The following ITGB8 variants were observed in gnomAD, a reference collection of about 807,000 sequenced individuals.
The protein encoded by ITGB8 is integrin beta-8.
In ITGB8, 30 loss-of-function variants were observed where a neutral mutation model predicts 89.5. The ratio of observed to expected loss-of-function variants is 0.34; its 90% CI spans 0.25 to 0.45. The LOEUF is 0.45. Ranked by LOEUF, ITGB8 falls within the 20% of genes least tolerant of loss-of-function variation. The pLI is 1.00. For synonymous variants in ITGB8, 335 were observed against 320.4 expected (o/e 1.05, Z -0.49); for missense variants, 836 against 933.3 (o/e 0.90, Z 1.36).
chr7:20,373,743 A>G (rs1346510717), intron 3 of ITGB8, among the ~76,000 whole-genome samples: 1 of 152,144 alleles, frequency 6.6e-6, no homozygotes, highest in African/African-American at 2.4e-5. Flanking sequence ...GCTGAAGTAT[A>G]ATGAATAGAA....
chr7:20,393,945 G>C (rs1786967006), intron 7 of ITGB8, among the ~76,000 whole-genome samples: 1 of 152,180 alleles, frequency 6.6e-6, no homozygotes, highest in African/African-American at 2.4e-5. Context: ...ACAGTGTTTA[G>C]TGAAGAAATT....
chr7:20,383,823 T>C (rs1786500434), intron 6 of ITGB8, among the ~76,000 whole-genome samples: 1 of 152,222 alleles, frequency 6.6e-6, no homozygotes, highest in African/African-American at 2.4e-5. Flanking sequence ...TCTTGGTCAT[T>C]GTTCCCAGTA....
intron 6 of ITGB8, 138 bp from the exon 7 acceptor site, chr7:20,391,265 T>C (rs1351146412): frequency 2.3e-6 from 1 of 432,482 alleles, no homozygotes; most frequent in Non-Finnish European, 4.2e-6. Context: ...TTTTCAAAAA[T>C]TTAAATGTCT....
intron 1 of ITGB8, among the ~76,000 whole-genome samples, chr7:20,359,137 T>TGG (rs1785405655): frequency 6.6e-6 from 1 of 152,224 alleles, no homozygotes; most frequent in Admixed American, 6.5e-5. Flanking sequence ...GTTGATTCCA[T>TGG]GTCTTTGCTA....
At chr7:20,372,160 C>A (rs1380718814) in intron 3 of ITGB8, among the ~76,000 whole-genome samples, 1 of 152,006 alleles carries the variant, frequency 6.6e-6, no homozygotes, top group Non-Finnish European at 1.5e-5. Context: ...ATGTCTTGCT[C>A]TTTTTTAAAT....
intron 8 of ITGB8, among the ~76,000 whole-genome samples, chr7:20,397,378 C>G (rs370607790): frequency 6.6e-6 from 1 of 152,248 alleles, no homozygotes; most frequent in South Asian, 2.1e-4. Context: ...AGGCGTATCA[C>G]GCACACCCGG....
At chr7:20,370,877 G>A (rs1785908642) in intron 3 of ITGB8, among the ~76,000 whole-genome samples, 1 of 152,162 alleles carries the variant, frequency 6.6e-6, no homozygotes, top group African/African-American at 2.4e-5. Flanking sequence ...GCTTCCCAAA[G>A]TGCTGGGATT....
Position 20,331,737 on chromosome 7 carries a change from C to T in ITGB8, c.-70C>T. 2 of 1,510,600 alleles carry T rather than the reference C, an allele frequency of 1.3e-6. No homozygotes were observed. Among genetic ancestry groups the T allele is most frequent in the Admixed American group, 2.2e-5 (1 of 45,420 alleles). The allele number at this position is 1,510,600 out of a possible 1,614,324, so 93.6% of individuals were successfully genotyped here. A position where few individuals can be genotyped will look rare whatever the true frequency, so the allele number is the denominator to read the frequency against. On this transcript the variant is annotated 5_prime_UTR_variant, in exon 1 of 14. Coordinates refer to ENST00000222573, the MANE Select transcript of ITGB8 (RefSeq NM_002214.3). ...CACTCGGCCCGCGGGCCCCGAGGTG[C>T]GCCCGGGAGGCGCGAGCCCGCGTCC...
At position 20,379,103 on chromosome 7, in the gene ITGB8, G is replaced by T. The variant is rs750090547; in HGVS notation, c.441G>T (p.Val147=). The change falls in exon 4 of 14, where the codon GTG becomes GTT. Residue 147 remains valine (V), a synonymous_variant. Transcript: ENST00000222573. ...TTCATCCTCTGAAGAAATATCCTGT[G>T]GATCTTTATTATCTTGTTGATGTCT... ...LKVHPLKKYP[V]DLYYLVDVSA... The T allele has an allele frequency of 6.2e-7, 1 of 1,602,582 alleles. No individual in the cohort carries two copies. The highest frequency in any genetic ancestry group is 8.5e-7 in the Non-Finnish European group (1 of 1,173,488).
At chr7:20,335,677 A>G (rs1178131539) in intron 1 of ITGB8, among the ~76,000 whole-genome samples, 3 of 151,966 alleles carry the variant, frequency 2.0e-5, no homozygotes, top group African/African-American at 7.3e-5. Context: ...TCTTCTCCTC[A>G]CCTTCTCTTT....
In ITGB8 at chr7:20,414,003, C is replaced by T. The variant is rs1318173996; in HGVS notation, c.*4006C>T. 6.6e-6 allele frequency: 1 copy of T among 151,896 alleles called. No homozygotes were observed. Among genetic ancestry groups the T allele is most frequent in the Non-Finnish European group, 1.5e-5 (1 of 67,964 alleles). The allele number at this position is 151,896 out of a possible 1,614,324, so 9.4% of individuals were successfully genotyped here. A position where few individuals can be genotyped will look rare whatever the true frequency, so the allele number is the denominator to read the frequency against. ...CTCTATAGCAAATTTTTATGTATAA[C>T]TGATTATACATATCCATATTTATAT... On this transcript the variant is annotated 3_prime_UTR_variant, in exon 14 of 14. Coordinates refer to ENST00000222573, the MANE Select transcript of ITGB8 (RefSeq NM_002214.3).
chr7:20,404,532 G>A lies in ITGB8; in HGVS notation c.1688-96G>A, dbSNP rs554055175. ...TGTTCCCATTCATTGGACTGTCAGTGCGTTTCCATGGAGATGATACAGGAA... is the reference window on the plus strand; with the variant it reads ...TGTTCCCATTCATTGGACTGTCAGTACGTTTCCATGGAGATGATACAGGAA... On this transcript the variant is annotated intron_variant, in intron 10 of 13. Coordinates refer to ENST00000222573, the MANE Select transcript of ITGB8 (RefSeq NM_002214.3). 9 of 967,272 alleles carry A rather than the reference G, an allele frequency of 9.3e-6. No homozygotes were observed. The African/African-American group carries it at 1.4e-4, about 16-fold the overall frequency. 59.9% of individuals were successfully genotyped at this position (967,272 alleles called of 1,614,324 possible). A position where few individuals can be genotyped will look rare whatever the true frequency, so the allele number is the denominator to read the frequency against.
At chr7:20,347,966 T>A (rs900775254) in intron 1 of ITGB8, among the ~76,000 whole-genome samples, 1 of 152,216 alleles carries the variant, frequency 6.6e-6, no homozygotes, top group African/African-American at 2.4e-5. Flanking sequence ...AGTTGCTAAA[T>A]GTAATTAAGA....
intron 1 of ITGB8, among the ~76,000 whole-genome samples, chr7:20,333,762 C>A (rs1441315652): frequency 3.3e-5 from 5 of 152,092 alleles, no homozygotes; most frequent in Admixed American, 3.3e-4. Context: ...CAGTCTCTGT[C>A]AATATACAAA....
intron 7 of ITGB8, among the ~76,000 whole-genome samples, chr7:20,392,110 C>A (rs1411804321): frequency 6.6e-6 from 1 of 152,072 alleles, no homozygotes; most frequent in Non-Finnish European, 1.5e-5. Context: ...GCCATGGACC[C>A]CCCAGCATAG....
At chr7:20,406,013 C>T in intron 11 of ITGB8, 49 bp from the exon 12 acceptor site, 1 of 1,084,986 alleles carries the variant, frequency 9.2e-7, no homozygotes, top group Non-Finnish European at 1.4e-6. Flanking sequence ...TATTATAGTC[C>T]ACCACCTTTT....
chr7:20,395,836 T>C (rs1487385572), intron 8 of ITGB8, among the ~76,000 whole-genome samples: 4 of 152,190 alleles, frequency 2.6e-5, no homozygotes, highest in South Asian at 2.1e-4. Context: ...CAGAAGAAAG[T>C]GGGATCAGAA....
At chr7:20,402,465 A>G (rs1390810984) in intron 10 of ITGB8, among the ~76,000 whole-genome samples, 2 of 152,230 alleles carry the variant, frequency 1.3e-5, no homozygotes, top group Admixed American at 1.3e-4. Flanking sequence ...GTATTCTTCT[A>G]GAAGGATCTG....
At chr7:20,360,464 T>TTG (rs71020630) in intron 1 of ITGB8, among the ~76,000 whole-genome samples, 52,308 of 150,896 alleles carry the variant, frequency 0.35, 9,474 homozygotes, top group East Asian at 0.42. Flanking sequence ...ATTGTGTACA[T>TTG]TACACAATAG....
Sources: allele counts gnomAD v4.1 joint callset (sites outside exome capture counted in the v4.1 genomes callset), GRCh38; gene constraint gnomAD v4.1.1; transcripts MANE v1.5; gene names NCBI Gene and HGNC (gene_info 2026-07-23, HGNC 2026-07-21).